Variants in GHITM observed in about 807,000 individuals in gnomAD.
The protein encoded by GHITM is growth hormone-inducible transmembrane protein.
In GHITM, 24 loss-of-function variants were observed where a neutral mutation model predicts 38.7. That is an observed-to-expected ratio of 0.62 (90% CI 0.45 to 0.87). GHITM has a LOEUF of 0.87. GHITM is among the 40% of genes least tolerant of loss of function. The pLI, the probability that GHITM is intolerant of heterozygous loss-of-function variation, is 0.00. For missense variants in GHITM, 420 were observed against 429.8 expected (o/e 0.98, Z 0.20); for synonymous variants, 154 against 147.8 (o/e 1.04, Z -0.30).
At chr10:84,146,592 C>G (rs2132739322) in intron 5 of GHITM, among the ~76,000 whole-genome samples, 1 of 152,314 alleles carries the variant, frequency 6.6e-6, no homozygotes, top group Non-Finnish European at 1.5e-5. Context: ...TCTCCCAGCC[C>G]AGAGGTTCAC....
chr10:84,148,823 T>C lies in GHITM; in HGVS notation c.577T>C (p.Trp193Arg). The stretch of plus-strand genomic sequence containing the variant: ...GAGCCCAGGCCCAAAGCATCTTGCT[T>C]GGTTGCTACATTCTGGTATGTTCTG... Reference protein sequence around the residue: ...DQSPGPKHLAWLLHSGVMGAV... With the variant: ...DQSPGPKHLARLLHSGVMGAV... The change falls in exon 6 of 9, where the codon TGG (tryptophan) becomes CGG (arginine). Residue 193 changes from tryptophan to arginine, a missense_variant. By Grantham distance (101) the Trp-to-Arg change is moderately radical (BLOSUM62 -3). Transcript: ENST00000372134. 6.2e-7 allele frequency: 1 copy of C among 1,602,888 alleles called. No homozygotes were observed. The highest frequency in any genetic ancestry group is 8.5e-7 in the Non-Finnish European group (1 of 1,169,874).
At position 84,144,948 on chromosome 10, in the gene GHITM, G is replaced by T; in HGVS notation, c.415G>T (p.Ala139Ser). The T allele has an allele frequency of 8.7e-6, 14 of 1,611,928 alleles. No individual in the cohort carries two copies. Among genetic ancestry groups the T allele is most frequent in the Non-Finnish European group, 1.2e-5 (14 of 1,178,324 alleles). The part of the protein sequence containing the change: ...MYLAGSIGLT[A>S]LSAIAISRTP... Reference sequence around the variant, plus strand: ...CTTAGCAGGGAGTATTGGTTTAACAGCTTTGTCTGCCATAGCAATCAGCAG... The same window carrying T: ...CTTAGCAGGGAGTATTGGTTTAACATCTTTGTCTGCCATAGCAATCAGCAG... The change falls in exon 5 of 9, where the codon GCT (alanine) becomes TCT (serine). Residue 139 changes from alanine to serine, a missense_variant. Physicochemically the swap from Ala to Ser is moderately conservative, Grantham distance 99. Transcript: ENST00000372134.
At chr10:84,150,602 C>T in intron 7 of GHITM, 107 bp from the exon 8 acceptor site, 1 of 820,180 alleles carries the variant, frequency 1.2e-6, no homozygotes, top group Middle Eastern at 3.7e-4. Flanking sequence ...TGTCGTCTTA[C>T]CTACACAGTA....
At chr10:84,145,914 G>A (rs1345395549) in intron 5 of GHITM, among the ~76,000 whole-genome samples, 3 of 152,142 alleles carry the variant, frequency 2.0e-5, no homozygotes, top group Non-Finnish European at 4.4e-5. Context: ...TAGACAAGAG[G>A]GCCAGGTGCA....
intron 6 of GHITM, 91 bp from the exon 7 acceptor site, chr10:84,149,964 A>G: frequency 1.0e-6 from 1 of 1,001,238 alleles, no homozygotes; most frequent in Non-Finnish European, 1.4e-6. Flanking sequence ...CTTAAACAGT[A>G]AGGTATAATA....
At chr10:84,141,380 T>G in intron 1 of GHITM, 82 bp from the exon 2 acceptor site, 2 of 746,404 alleles carry the variant, frequency 2.7e-6, no homozygotes, top group Non-Finnish European at 4.5e-6. Context: ...TGACTCTGAC[T>G]CTCATATGTC....
intron 8 of GHITM, among the ~76,000 whole-genome samples, chr10:84,151,196 A>T (rs991865141): frequency 3.3e-5 from 5 of 152,090 alleles, no homozygotes; most frequent in Non-Finnish European, 7.4e-5. Flanking sequence ...CTCTGTCTCC[A>T]TCTTCACATG....
intron 1 of GHITM, 72 bp from the exon 2 acceptor site, chr10:84,141,389 TC>T (rs1205704747): frequency 2.4e-6 from 2 of 834,734 alleles, no homozygotes; most frequent in Non-Finnish European, 3.9e-6. Flanking sequence ...CTCTCATATG[TC>T]CTTCTCTTAA....
rs1263812825 is a variant in GHITM at position 84,143,984 on chromosome 10, G to T, written c.230-11G>T. ...CCAGTACTAACCTGCATTTCCTTCTGTGTTCTGCAGTTGATCAGATGGGAA... is the reference window on the plus strand; with the variant it reads ...CCAGTACTAACCTGCATTTCCTTCTTTGTTCTGCAGTTGATCAGATGGGAA... On this transcript the variant is annotated splice_polypyrimidine_tract_variant and intron_variant, in intron 3 of 8. Transcript: ENST00000372134. 6.3e-7 allele frequency: 1 copy of T among 1,576,370 alleles called. No individual in the cohort carries two copies. Among genetic ancestry groups the T allele is most frequent in the Non-Finnish European group, 8.7e-7 (1 of 1,145,540 alleles).
chr10:84,144,878 T>C lies in GHITM; in HGVS notation c.345T>C (p.Ile115=), dbSNP rs370581416. The C allele has an allele frequency of 7.0e-6, 11 of 1,569,882 alleles. No individual in the cohort carries two copies. Among genetic ancestry groups the C allele is most frequent in the East Asian group, 2.3e-5 (1 of 43,658 alleles). Residue 115 remains isoleucine, a synonymous_variant, in exon 5 of 9, where the codon ATT becomes ATC. Coordinates refer to ENST00000372134, the MANE Select transcript of GHITM (RefSeq NM_014394.3). The part of the protein sequence containing the change: ...NEIGAIEKAV[I]WPQYVKDRIH... ...AATCATGTCATGTTTCTTACAGAAT[T>C]TGGCCTCAGTATGTCAAGGATAGAA...
chr10:84,144,747 C>T, intron 4 of GHITM, 128 bp from the exon 5 acceptor site: 1 of 538,316 alleles, frequency 1.9e-6, no homozygotes, highest in East Asian at 3.0e-5. Context: ...TAATTATTTC[C>T]ATGATAAATG....
chr10:84,141,182 C>G (rs1228157988), intron 1 of GHITM, among the ~76,000 whole-genome samples: 2 of 152,212 alleles, frequency 1.3e-5, no homozygotes, highest in East Asian at 3.8e-4. Context: ...CTGTGTTACA[C>G]ATAATTTTTG....
intron 6 of GHITM, among the ~76,000 whole-genome samples, chr10:84,149,039 C>T (rs773305815): frequency 6.6e-6 from 1 of 152,160 alleles, no homozygotes; most frequent in African/African-American, 2.4e-5. Context: ...ATCTTCAATA[C>T]GAAACTTGTA....
chr10:84,141,497 C>G lies in GHITM; in HGVS notation c.-4C>G, dbSNP rs370207459. ...CTGCTCGGTAGACCTGGTGCACCAC[C>G]ACCATGTTGGCTGCAAGGCTGGTGT... On this transcript the variant is annotated 5_prime_UTR_variant, in exon 2 of 9. Coordinates refer to ENST00000372134, the MANE Select transcript of GHITM (RefSeq NM_014394.3). The G allele has an allele frequency of 2.5e-6, 4 of 1,613,610 alleles. No individual in the cohort carries two copies. Among genetic ancestry groups the G allele is most frequent in the African/African-American group, 1.3e-5 (1 of 74,866 alleles).
At chr10:84,149,921 T>C in intron 6 of GHITM, 134 bp from the exon 7 acceptor site, 3 of 612,088 alleles carry the variant, frequency 4.9e-6, no homozygotes, top group Non-Finnish European at 7.5e-6. Context: ...GGGGGTAGTA[T>C]TATCTAAAGG....
chr10:84,144,064 G>C lies in GHITM; in HGVS notation c.299G>C (p.Gly100Ala), dbSNP rs1347184568. The change falls in exon 4 of 9, where the codon GGC becomes GCC. Residue 100 changes from glycine (G) to alanine (A), a missense_variant. Gly to Ala is a moderately conservative substitution (Grantham distance 60). Coordinates refer to ENST00000372134, the MANE Select transcript of GHITM (RefSeq NM_014394.3). Reference protein sequence around the residue: ...AVGLGALCYYGLGLSNEIGAI... With the variant: ...AVGLGALCYYALGLSNEIGAI... Reference sequence around the variant, plus strand: ...GGTCTTGGAGCATTGTGCTACTATGGCTTGGGACTGTCTAATGAGATTGGA... The same window carrying C: ...GGTCTTGGAGCATTGTGCTACTATGCCTTGGGACTGTCTAATGAGATTGGA... 6.2e-7 allele frequency: 1 copy of C among 1,613,904 alleles called. No individual in the cohort carries two copies. The highest frequency in any genetic ancestry group is 1.7e-5 in the Admixed American group (1 of 60,026).
intron 5 of GHITM, among the ~76,000 whole-genome samples, chr10:84,146,465 G>A (rs531209651): frequency 8.1e-4 from 123 of 152,276 alleles, no homozygotes; most frequent in African/African-American, 2.9e-3. Context: ...ACATAGGGAC[G>A]AAAACCATAT....
rs1425602297 is a variant in GHITM, at chr10:84,144,002, G to C, written c.237G>C (p.Gln79His). ...TCCTTCTGTGTTCTGCAGTTGATCA[G>C]ATGGGAAGATGGTTTGTTGCTGGAG... Reference protein sequence around the residue: ...PSMEKIFKIDQMGRWFVAGGA... With the variant: ...PSMEKIFKIDHMGRWFVAGGA... Residue 79 changes from glutamine to histidine, a missense_variant, in exon 4 of 9, where the codon CAG becomes CAC. Transcript: ENST00000372134. The C allele has an allele frequency of 2.5e-6, 4 of 1,611,568 alleles. No homozygotes were observed. The highest frequency in any genetic ancestry group is 3.4e-6 in the Non-Finnish European group (4 of 1,177,748).
intron 5 of GHITM, among the ~76,000 whole-genome samples, chr10:84,146,427 A>C (rs1841557211): frequency 6.6e-6 from 1 of 152,238 alleles, no homozygotes; most frequent in Admixed American, 6.5e-5. Flanking sequence ...CTGGAGGGGA[A>C]GGAGAGTTCA....
Sources: gnomAD v4.1 joint callset for allele counts (sites outside exome capture counted in the v4.1 genomes callset) on GRCh38, gnomAD v4.1.1 for gene constraint, MANE v1.5 for transcripts, NCBI Gene and HGNC (gene_info 2026-07-23, HGNC 2026-07-21) for gene names.